SYNRG: variants seen among roughly 807,000 people sequenced by gnomAD.
SYNRG encodes synergin gamma.
A neutral mutation model predicts 130.9 loss-of-function variants in SYNRG; 37 were observed. That is an observed-to-expected ratio of 0.28 (90% CI 0.22 to 0.37). The LOEUF (loss-of-function observed/expected upper bound fraction) is 0.37, where lower values mean the gene tolerates loss of function less well. SYNRG is among the 10% of genes least tolerant of loss of function. The pLI is 1.00. For missense variants in SYNRG, 1,338 were observed against 1,588.9 expected (o/e 0.84, Z 2.68); for synonymous variants, 539 against 568.1 (o/e 0.95, Z 0.73).
At chr17:37,554,264 G>A (rs928655448) in intron 13 of SYNRG, among the ~76,000 whole-genome samples, 7 of 151,964 alleles carry the variant, frequency 4.6e-5, no homozygotes, top group Non-Finnish European at 7.4e-5. Flanking sequence ...AATAGAAATC[G>A]AACTGAAAGT....
intron 10 of SYNRG, among the ~76,000 whole-genome samples, chr17:37,570,000 A>G (rs921486914): frequency 6.6e-6 from 1 of 152,122 alleles, no homozygotes; most frequent in African/African-American, 2.4e-5. Context: ...CTCCTGTTGG[A>G]TATTTAGCTA....
Position 37,538,671 on chromosome 17 carries a change from C to G in SYNRG, c.3421-251G>C, listed in dbSNP as rs948954146. Among the ~76,000 whole-genome samples, 4 of 152,260 alleles carry G rather than the reference C, an allele frequency of 2.6e-5. No homozygotes were observed. In the East Asian group the frequency reaches 7.7e-4, roughly 29 times the overall value. Reference sequence around the variant, plus strand: ...AGTGCAGTGGCAAGATCTCGGCTCACTGAACCCCTGACTCCCGGGTTCAAG... The same window carrying G: ...AGTGCAGTGGCAAGATCTCGGCTCAGTGAACCCCTGACTCCCGGGTTCAAG... On this transcript the variant is annotated intron_variant, in intron 17 of 21. Transcript: ENST00000612223.
At chr17:37,561,430 A>C in intron 12 of SYNRG, 41 bp downstream of exon 12, 1 of 1,532,430 alleles carries the variant, frequency 6.5e-7, no homozygotes, top group African/African-American at 1.4e-5. Flanking sequence ...AATAGTATGC[A>C]ATTTAGCATT....
intron 20 of SYNRG, 103 bp from the exon 21 acceptor site, chr17:37,520,317 C>T (rs1403901146): frequency 3.4e-6 from 5 of 1,471,172 alleles, no homozygotes; most frequent in Non-Finnish European, 4.7e-6. Context: ...GACCTCCCCA[C>T]TATGCACAGG....
At chr17:37,563,675 T>C (rs1326799615) in intron 11 of SYNRG, among the ~76,000 whole-genome samples, 1 of 151,828 alleles carries the variant, frequency 6.6e-6, no homozygotes, top group Non-Finnish European at 1.5e-5. Context: ...CAGCTGGTAC[T>C]ACAGGCATGC....
At chr17:37,604,237 C>T (rs950757081) in intron 1 of SYNRG, among the ~76,000 whole-genome samples, 8 of 80,930 alleles carry the variant, frequency 9.9e-5, no homozygotes, top group South Asian at 4.5e-4. Flanking sequence ...GAGACTCTGT[C>T]TATAAAAAAA....
intron 14 of SYNRG, among the ~76,000 whole-genome samples, chr17:37,542,854 TTGATA>T (rs2057899759): frequency 1.3e-5 from 2 of 152,324 alleles, no homozygotes; most frequent in Admixed American, 1.3e-4. Flanking sequence ...TATACACTGT[TTGATA>T]TAAGATTAGG....
chr17:37,601,538 A>G (rs2063284410), intron 1 of SYNRG, among the ~76,000 whole-genome samples: 1 of 152,188 alleles, frequency 6.6e-6, no homozygotes. Flanking sequence ...GTCAACCATT[A>G]CCACTATCCA....
intron 2 of SYNRG, among the ~76,000 whole-genome samples, chr17:37,599,599 T>A (rs2063089203): frequency 6.6e-6 from 1 of 152,106 alleles, no homozygotes; most frequent in African/African-American, 2.4e-5. Context: ...TATGCACCTG[T>A]GGTCCCAGCT....
At chr17:37,548,616 GAC>G (rs2058463751) in intron 14 of SYNRG, among the ~76,000 whole-genome samples, 1 of 151,952 alleles carries the variant, frequency 6.6e-6, no homozygotes, top group Non-Finnish European at 1.5e-5. Flanking sequence ...TCAGGAGTTT[GAC>G]ACCAGCCTGG....
At chr17:37,576,244 AT>A (rs2060827072) in intron 8 of SYNRG, 96 bp downstream of exon 8, 5 of 1,222,056 alleles carry the variant, frequency 4.1e-6, no homozygotes, top group Middle Eastern at 1.9e-4. Flanking sequence ...CTCCTCCTGC[AT>A]TTTTTGTAAG....
At chr17:37,568,756 A>G in intron 11 of SYNRG, 35 bp downstream of exon 11, 1 of 1,601,306 alleles carries the variant, frequency 6.2e-7, no homozygotes, top group Non-Finnish European at 8.5e-7. Context: ...CTTAATGGTT[A>G]AATGCAATGT....
At chr17:37,584,900 G>A (rs2061581230) in intron 5 of SYNRG, 141 bp from the exon 6 acceptor site, 1 of 620,730 alleles carries the variant, frequency 1.6e-6, no homozygotes, top group Non-Finnish European at 2.7e-6. Context: ...ATCCAAGTCA[G>A]CAAGACATTG....
chr17:37,579,525 A>G, intron 6 of SYNRG: 1 of 1,004,716 alleles, frequency 1.0e-6, no homozygotes. Context: ...AAAAGAATAT[A>G]TTGAAACATA....
chr17:37,570,798 G>A lies in SYNRG; in HGVS notation c.1186C>T (p.Pro396Ser), dbSNP rs774929577. Residue 396 changes from proline (P) to serine (S), a missense_variant, in exon 10 of 22, where the codon CCT (proline) becomes TCT (serine). This residue lies in a region of SYNRG where 1,146 missense variants were observed against 1,342.3 expected (regional missense o/e 0.85). Transcript: ENST00000612223. ...PTLSGFSMTL[P>S]TPVSQPTVIP... ...ACAGTTGGCTGACTCACCGGTGTAG[G>A]CAGAGTCATAGAAAAGCCACTTAAA... The A allele has an allele frequency of 6.2e-7, 1 of 1,614,198 alleles. No individual in the cohort carries two copies. The highest frequency in any genetic ancestry group is 8.5e-7 in the Non-Finnish European group (1 of 1,180,030).
At chr17:37,541,314 C>A in intron 15 of SYNRG, 1 of 955,888 alleles carries the variant, frequency 1.0e-6, no homozygotes. Flanking sequence ...AGAGACCAGG[C>A]AAGTAAAGTG....
Position 37,514,898 on chromosome 17 carries a change from T to C in SYNRG, c.*4042A>G, listed in dbSNP as rs538193637. The C allele has an allele frequency of 1.8e-4, 27 of 152,340 alleles. No individual in the cohort carries two copies. The highest frequency in any genetic ancestry group is 6.3e-4 in the African/African-American group (26 of 41,558). The allele number at this position is 152,340 out of a possible 1,614,324, so 9.4% of individuals were successfully genotyped here. On this transcript the variant is annotated 3_prime_UTR_variant, in exon 22 of 22. Transcript: ENST00000612223. ...ATATTTTAAAGGTAAAGCTTTATAATGTCTAAACACATCAATTAGAGCAGT... is the reference window on the plus strand; with the variant it reads ...ATATTTTAAAGGTAAAGCTTTATAACGTCTAAACACATCAATTAGAGCAGT...
intron 1 of SYNRG, chr17:37,605,759 G>A (rs978478632): frequency 3.1e-6 from 3 of 965,412 alleles, no homozygotes; most frequent in African/African-American, 1.8e-5. Flanking sequence ...TAATTTCAAA[G>A]GTAAAACCAC....
intron 16 of SYNRG, among the ~76,000 whole-genome samples, chr17:37,539,941 C>T (rs753700199): frequency 4.6e-5 from 7 of 152,112 alleles, no homozygotes; most frequent in Non-Finnish European, 8.8e-5. Flanking sequence ...GGCCCATGTG[C>T]ACATGTAACA....
Sources: gnomAD v4.1 joint callset for allele counts (sites outside exome capture counted in the v4.1 genomes callset) on GRCh38, gnomAD v4.1.1 for gene constraint, gnomAD v4.1.1 regional missense constraint, MANE v1.5 for transcripts, NCBI Gene and HGNC (gene_info 2026-07-23, HGNC 2026-07-21) for gene names.